SPDEF: variants seen among roughly 807,000 people sequenced by gnomAD.
SPDEF encodes the protein SAM pointed domain containing ETS transcription factor.
SPDEF carries 12 observed loss-of-function variants against 36.0 expected under a neutral mutation model. The observed-to-expected ratio is 0.33, with a 90% CI of 0.21 to 0.54. SPDEF has a LOEUF of 0.54. SPDEF is among the 20% of genes least tolerant of loss of function. The pLI, the probability that SPDEF is intolerant of heterozygous loss-of-function variation, is 0.93. For synonymous variants in SPDEF, 205 were observed against 193.0 expected, an observed-to-expected ratio of 1.06 and a Z score of -0.51; for missense variants, 388 against 456.9, an observed-to-expected ratio of 0.85 and a Z score of 1.37.
At chr6:34,543,357 T>C (rs1482310578) in intron 2 of SPDEF, among the ~76,000 whole-genome samples, 1 of 151,560 alleles carries the variant, frequency 6.6e-6, no homozygotes, top group African/African-American at 2.4e-5. Context: ...CTTTGTGGAG[T>C]GTACATTCTA....
In SPDEF at chr6:34,552,313, G is replaced by T. The variant is rs918874107; in HGVS notation, c.-30+3616C>A. 6.6e-6 allele frequency among the ~76,000 whole-genome samples: 1 copy of T among 152,202 alleles called. No homozygotes were observed. The highest frequency in any genetic ancestry group is 6.5e-5 in the Admixed American group (1 of 15,286). On this transcript the variant is annotated intron_variant, in intron 1 of 5. Coordinates refer to ENST00000374037, the MANE Select transcript of SPDEF (RefSeq NM_012391.3). The surrounding 1 kb of genome is among the most constrained non-coding windows in gnomAD (Gnocchi z 4.6). ...AGCCCTGCCCAGCAGGGTCGTTGAG[G>T]GCATGAGAACACACGGATGTCACCG...
intron 1 of SPDEF, among the ~76,000 whole-genome samples, chr6:34,548,841 T>G (rs2127292066): frequency 6.6e-6 from 1 of 152,214 alleles, no homozygotes; most frequent in Admixed American, 6.5e-5. Context: ...ATCTGTGCCA[T>G]GCAATTCAGC....
chr6:34,537,814 T>C lies in SPDEF; in HGVS notation c.*460A>G, dbSNP rs967513378. The C allele has an allele frequency of 6.3e-6, 1 of 159,774 alleles. No homozygotes were observed. The highest frequency in any genetic ancestry group is 1.4e-5 in the Non-Finnish European group (1 of 72,248). The allele number at this position is 159,774 out of a possible 1,614,324, so 9.9% of individuals were successfully genotyped here. A position where few individuals can be genotyped will look rare whatever the true frequency, so the allele number is the denominator to read the frequency against. On this transcript the variant is annotated 3_prime_UTR_variant, in exon 6 of 6. Coordinates refer to ENST00000374037, the MANE Select transcript of SPDEF (RefSeq NM_012391.3). ...CACTGGGGACATGTCAGTTCTCTAG[T>C]ATCTTTATTATCCATTCCCGGGGGC...
intron 1 of SPDEF, among the ~76,000 whole-genome samples, chr6:34,551,947 C>T (rs894429400): frequency 6.6e-6 from 1 of 152,190 alleles, no homozygotes; most frequent in African/African-American, 2.4e-5. Context: ...TCAGGGCTTT[C>T]CAGAAATTGC....
In SPDEF at chr6:34,538,075, AC is replaced by A. The variant is rs1767731409; in HGVS notation, c.*198del. 1 of 554,784 alleles carries A rather than the reference AC, an allele frequency of 1.8e-6. No individual in the cohort carries two copies. The highest frequency in any genetic ancestry group is 2.7e-5 in the South Asian group (1 of 36,954). The allele number at this position is 554,784 out of a possible 1,614,324, so 34.4% of individuals were successfully genotyped here. A position where few individuals can be genotyped will look rare whatever the true frequency, so the allele number is the denominator to read the frequency against. ...GAGCAGCTGGGCCTGAGGAGGAAGC[AC>A]CCCTGCCCCAGGGTCCCGAAGGCCC... On this transcript the variant is annotated 3_prime_UTR_variant, in exon 6 of 6. Coordinates refer to ENST00000374037, the MANE Select transcript of SPDEF (RefSeq NM_012391.3). This position sits in a 1 kb window ranked among gnomAD's most constrained non-coding sequence, Gnocchi z 5.9.
At position 34,544,145 on chromosome 6, in the gene SPDEF, C is replaced by A; in HGVS notation, c.311G>T (p.Ser104Ile). The part of the protein sequence containing the change: ...PVIDSQAPAG[S>I]LDLVPGGLTL... Reference sequence around the variant, plus strand: ...CAGCCCGCCGGGCACCAAGTCCAGGCTGCCCGCTGGGGCTTGGCTGTCAAT... The same window carrying A: ...CAGCCCGCCGGGCACCAAGTCCAGGATGCCCGCTGGGGCTTGGCTGTCAAT... The change falls in exon 2 of 6, where the codon AGC becomes ATC. Residue 104 changes from serine to isoleucine, a missense_variant. Physicochemically the swap from Ser to Ile is moderately radical, Grantham distance 142. Transcript: ENST00000374037. This position sits in a 1 kb window ranked among gnomAD's most constrained non-coding sequence, Gnocchi z 4.4. 6.2e-7 allele frequency: 1 copy of A among 1,613,916 alleles called. No individual in the cohort carries two copies. Among genetic ancestry groups the A allele is most frequent in the Non-Finnish European group, 8.5e-7 (1 of 1,179,950 alleles).
Position 34,539,204 on chromosome 6 carries a change from C to T in SPDEF, c.829+46G>A. On this transcript the variant is annotated intron_variant, in intron 5 of 5. Transcript: ENST00000374037. This position sits in a 1 kb window ranked among gnomAD's most constrained non-coding sequence, Gnocchi z 5.2. ...CGTGCCTGGCAGAAGCCCCCACAAC[C>T]TCCATGCTCACTGGCCCTGCAGCGC... 1 of 1,605,636 alleles carries T rather than the reference C, an allele frequency of 6.2e-7. No individual in the cohort carries two copies. The highest frequency in any genetic ancestry group is 8.5e-7 in the Non-Finnish European group (1 of 1,175,644).
At position 34,544,350 on chromosome 6, in the gene SPDEF, C is replaced by G. The variant is rs372833718; in HGVS notation, c.106G>C (p.Val36Leu). The G allele has an allele frequency of 1.2e-6, 2 of 1,603,442 alleles. No homozygotes were observed. Among genetic ancestry groups the G allele is most frequent in the African/African-American group, 2.7e-5 (2 of 74,880 alleles). ...CTCCAGTCCCGTCTCTCGAGACCCACTGCCCCCGCTGCCGCCTTCTCCAAG... is the reference window on the plus strand; with the variant it reads ...CTCCAGTCCCGTCTCTCGAGACCCAGTGCCCCCGCTGCCGCCTTCTCCAAG... ...TGLEKAAAGA[V>L]GLERRDWSPS... The change falls in exon 2 of 6, where the codon GTG (valine) becomes CTG (leucine). Residue 36 changes from valine to leucine, a missense_variant. By Grantham distance (32) the Val-to-Leu change is conservative. Coordinates refer to ENST00000374037, the MANE Select transcript of SPDEF (RefSeq NM_012391.3). This position sits in a 1 kb window ranked among gnomAD's most constrained non-coding sequence, Gnocchi z 4.4.
In SPDEF at chr6:34,538,672, C is replaced by T. The variant is rs377208451; in HGVS notation, c.830-220G>A. ...TGTGCAAAGCAGGTGCCACAGGCCCCAGTGAATGGCAGAGAATACTCTGGA... is the reference window on the plus strand; with the variant it reads ...TGTGCAAAGCAGGTGCCACAGGCCCTAGTGAATGGCAGAGAATACTCTGGA... On this transcript the variant is annotated intron_variant, in intron 5 of 5. Coordinates refer to ENST00000374037, the MANE Select transcript of SPDEF (RefSeq NM_012391.3). This position sits in a 1 kb window ranked among gnomAD's most constrained non-coding sequence, Gnocchi z 5.9. 9.2e-5 allele frequency among the ~76,000 whole-genome samples: 14 copies of T among 152,290 alleles called. No homozygotes were observed. The highest frequency in any genetic ancestry group is 7.7e-4 in the East Asian group (4 of 5,184).
At chr6:34,540,031 A>C (rs1185184362) in intron 3 of SPDEF, among the ~76,000 whole-genome samples, 3 of 152,162 alleles carry the variant, frequency 2.0e-5, no homozygotes, top group Non-Finnish European at 4.4e-5. Flanking sequence ...CCGGGCGTGG[A>C]GGCTCATGCC....
intron 1 of SPDEF, among the ~76,000 whole-genome samples, chr6:34,554,869 T>C (rs1768132586): frequency 6.6e-6 from 1 of 152,112 alleles, no homozygotes; most frequent in South Asian, 2.1e-4. Flanking sequence ...GATGCAGCTT[T>C]ATTGGGGAGG....
At position 34,544,395 on chromosome 6, in the gene SPDEF, CG is replaced by C; in HGVS notation, c.60del (p.Asp21ThrfsTer92). The part of the protein sequence containing the change: ...SVSPSHLLLP[P>X]DTVSRTGLEK... ...TCCAAGCCTGTCCGCGACACCGTGT[CG>C]GGGGGCAGCAGGAGGTGGCTGGGGG... On this transcript the variant is annotated frameshift_variant, in exon 2 of 6. Transcript: ENST00000374037. LOFTEE classifies it high-confidence loss of function. This position sits in a 1 kb window ranked among gnomAD's most constrained non-coding sequence, Gnocchi z 4.4. The C allele has an allele frequency of 1.3e-6, 2 of 1,590,580 alleles. No individual in the cohort carries two copies. Among genetic ancestry groups the C allele is most frequent in the Non-Finnish European group, 8.6e-7 (1 of 1,166,582 alleles).
rs773388989 is a variant in SPDEF, at chr6:34,539,221, C to G, written c.829+29G>C. 25 of 1,611,542 alleles carry G rather than the reference C, an allele frequency of 1.6e-5. No homozygotes were observed. In the Admixed American group the frequency reaches 1.7e-4, roughly 11 times the overall value. On this transcript the variant is annotated intron_variant, in intron 5 of 5. Transcript: ENST00000374037. This position sits in a 1 kb window ranked among gnomAD's most constrained non-coding sequence, Gnocchi z 5.2. ...CCCACAACCTCCATGCTCACTGGCC[C>G]TGCAGCGCCCCTTGGGCACCCTGCT...
In SPDEF at chr6:34,555,401, C is replaced by T. The variant is rs1024652791; in HGVS notation, c.-30+528G>A. On this transcript the variant is annotated intron_variant, in intron 1 of 5. Transcript: ENST00000374037. The surrounding 1 kb of genome is among the most constrained non-coding windows in gnomAD (Gnocchi z 5.2). Reference sequence around the variant, plus strand: ...CCTGGTTCCTGTGCCCATCCCTGCCCAGCCCAGCTACTGGGCTCTGGACCT... The same window carrying T: ...CCTGGTTCCTGTGCCCATCCCTGCCTAGCCCAGCTACTGGGCTCTGGACCT... Among the ~76,000 whole-genome samples the T allele has an allele frequency of 4.6e-5, 7 of 152,180 alleles. No homozygotes were observed. The highest frequency in any genetic ancestry group is 1.7e-4 in the African/African-American group (7 of 41,436).
intron 2 of SPDEF, among the ~76,000 whole-genome samples, chr6:34,541,756 A>T (rs1219300769): frequency 6.6e-6 from 1 of 152,200 alleles, no homozygotes; most frequent in Admixed American, 6.5e-5. Context: ...TGAATAAGTA[A>T]ATGGCAGGGC....
At chr6:34,550,407 C>T (rs1768034927) in intron 1 of SPDEF, among the ~76,000 whole-genome samples, 1 of 152,176 alleles carries the variant, frequency 6.6e-6, no homozygotes, top group African/African-American at 2.4e-5. Flanking sequence ...CCCAGGCTGC[C>T]ACCTCGGGCC....
At chr6:34,553,063 G>C (rs1422191685) in intron 1 of SPDEF, among the ~76,000 whole-genome samples, 1 of 152,160 alleles carries the variant, frequency 6.6e-6, no homozygotes, top group Non-Finnish European at 1.5e-5. Context: ...GAAGGAGGGG[G>C]GTCTTTATCC....
rs1164241223 is a variant in SPDEF, at chr6:34,544,411, G to A, written c.45C>T (p.His15=). 2 of 1,586,744 alleles carry A rather than the reference G, an allele frequency of 1.3e-6. No homozygotes were observed. The highest frequency in any genetic ancestry group is 4.5e-5 in the East Asian group (2 of 44,392). ...ACACCGTGTCGGGGGGCAGCAGGAG[G>A]TGGCTGGGGGATACGCTGCTCAGAC... The part of the protein sequence containing the change: ...SPGLSSVSPS[H]LLLPPDTVSR... The change falls in exon 2 of 6, where the codon CAC becomes CAT. Residue 15 remains histidine (H), a synonymous_variant. Coordinates refer to ENST00000374037, the MANE Select transcript of SPDEF (RefSeq NM_012391.3). The surrounding 1 kb of genome is among the most constrained non-coding windows in gnomAD (Gnocchi z 4.4).
At chr6:34,547,461 G>C (rs908284036) in intron 1 of SPDEF, among the ~76,000 whole-genome samples, 4 of 152,116 alleles carry the variant, frequency 2.6e-5, no homozygotes, top group African/African-American at 9.7e-5. Flanking sequence ...GACCTCCTGG[G>C]CTCAAGTGAT....
Sources: allele counts gnomAD v4.1 joint callset (sites outside exome capture counted in the v4.1 genomes callset), GRCh38; gene constraint gnomAD v4.1.1; non-coding constraint Gnocchi (gnomAD v3.1); transcripts MANE v1.5; gene names NCBI Gene and HGNC (gene_info 2026-07-23, HGNC 2026-07-21).